MTCL1: variants seen among roughly 807,000 people sequenced by gnomAD.
MTCL1 encodes microtubule crosslinking factor 1.
Under a neutral mutation model 141.4 loss-of-function variants are expected in MTCL1, and 79 were observed. The ratio of observed to expected loss-of-function variants is 0.56; its 90% CI spans 0.47 to 0.67. MTCL1 has a LOEUF of 0.67. MTCL1 is among the 30% of genes least tolerant of loss of function. The pLI is 0.00. For missense variants in MTCL1, 2,177 were observed against 2,113.9 expected (o/e 1.03, Z -0.59); for synonymous variants, 914 against 875.8 (o/e 1.04, Z -0.77).
chr18:8,776,617 T>G (rs1254946327), intron 4 of MTCL1, among the ~76,000 whole-genome samples: 1 of 152,178 alleles, frequency 6.6e-6, no homozygotes, highest in East Asian at 1.9e-4. Context: ...TGAGTTGGAG[T>G]GGGTTTCCTG....
chr18:8,828,830 AC>A lies in MTCL1; in HGVS notation c.4723-76del. 6.2e-7 allele frequency: 1 copy of A among 1,608,490 alleles called. No individual in the cohort carries two copies. The highest frequency in any genetic ancestry group is 8.5e-7 in the Non-Finnish European group (1 of 1,178,110). On this transcript the variant is annotated intron_variant, in intron 15 of 16. Coordinates refer to ENST00000359865, the Ensembl canonical transcript of MTCL1. This position sits in a 1 kb window ranked among gnomAD's most constrained non-coding sequence, Gnocchi z 5.2. ...CTACCTCCGGGCTTGCTGACTTTAA[AC>A]CTTTATTGTTCTCCTGTTTAAAAAA...
upstream of MTCL1, among the ~76,000 whole-genome samples, chr18:8,715,139 G>GC (rs1460090705): frequency 1.3e-5 from 2 of 152,132 alleles, no homozygotes; most frequent in African/African-American, 4.8e-5. Context: ...GATTATTTGT[G>GC]CCAAAAAATA....
intron 13 of MTCL1, among the ~76,000 whole-genome samples, chr18:8,821,166 T>C (rs560425404): frequency 2.0e-5 from 3 of 152,196 alleles, no homozygotes; most frequent in Non-Finnish European, 4.4e-5. Context: ...AGTGAGGTCC[T>C]TTGAGGAAGC....
chr18:8,824,984 C>G, exon 15 of MTCL1: 1 of 1,613,428 alleles, frequency 6.2e-7, no homozygotes, highest in East Asian at 2.2e-5. Flanking sequence ...GGTACCTAAC[C>G]ACAAGTGTCA....
At chr18:8,783,253 C>T (rs1049188471) in intron 5 of MTCL1, among the ~76,000 whole-genome samples, 5 of 137,020 alleles carry the variant, frequency 3.6e-5, no homozygotes, top group African/African-American at 7.4e-5. Flanking sequence ...ATGGTTTCCA[C>T]GTGCACTTTT....
chr18:8,727,868 C>CTCTA (rs2096226378), intron 4 of MTCL1, among the ~76,000 whole-genome samples: 1 of 150,534 alleles, frequency 6.6e-6, no homozygotes, highest in Non-Finnish European at 1.5e-5. Flanking sequence ...CTCTCTCTCT[C>CTCTA]TCTCTCCCTG....
chr18:8,799,957 A>G (rs1268915505), intron 10 of MTCL1, among the ~76,000 whole-genome samples: 1 of 152,196 alleles, frequency 6.6e-6, no homozygotes, highest in African/African-American at 2.4e-5. Flanking sequence ...GTGAGCTTCC[A>G]CTGCGGGCCA....
At chr18:8,738,091 C>G (rs903539625) in intron 4 of MTCL1, among the ~76,000 whole-genome samples, 1 of 152,206 alleles carries the variant, frequency 6.6e-6, no homozygotes, top group African/African-American at 2.4e-5. Flanking sequence ...CCTGGTCTCA[C>G]ATTTCCAAAC....
chr18:8,825,048 C>T (rs145244362), exon 15 of MTCL1: 40 of 1,612,858 alleles, frequency 2.5e-5, no homozygotes, highest in South Asian at 4.4e-5. Flanking sequence ...GCAGCCACTG[C>T]GGAGCCACGT....
chr18:8,729,275 C>T (rs998427554), intron 4 of MTCL1, among the ~76,000 whole-genome samples: 1 of 151,148 alleles, frequency 6.6e-6, no homozygotes, highest in African/African-American at 2.4e-5. Flanking sequence ...AGTCTGGTCT[C>T]AAACTCCTGG....
intron 16 of MTCL1, chr18:8,829,330 C>T (rs1411826872): frequency 1.0e-6 from 1 of 985,360 alleles, no homozygotes; most frequent in East Asian, 1.1e-4. Context: ...GCCCAGCCAC[C>T]CAGGACTGGT....
intron 4 of MTCL1, among the ~76,000 whole-genome samples, chr18:8,772,588 ATAT>A (rs2096489205): frequency 1.3e-5 from 2 of 150,722 alleles, no homozygotes; most frequent in African/African-American, 4.9e-5. Flanking sequence ...TATATGTTAT[ATAT>A]TATTATGTTA....
In MTCL1 at chr18:8,768,171, G is replaced by A. The variant is rs139153390; in HGVS notation, c.358-9662G>A. Among the ~76,000 whole-genome samples, 744 of 152,282 alleles carry A rather than the reference G, an allele frequency of 4.9e-3. 6 individuals carry two copies. The highest frequency in any genetic ancestry group is 7.7e-3 in the Non-Finnish European group (525 of 68,016). Reference sequence around the variant, plus strand: ...GTTATCCCCACCATTCACACTGTATGTTAACATTGTACTATACTTGGTTTA... The same window carrying A: ...GTTATCCCCACCATTCACACTGTATATTAACATTGTACTATACTTGGTTTA... On this transcript the variant is annotated intron_variant, in intron 4 of 16. Transcript: ENST00000359865.
rs527591125 is a variant in MTCL1 at position 8,751,633 on chromosome 18, T to C, written c.358-26200T>C. Reference sequence around the variant, plus strand: ...AATAGTCAAGGAAATCCGAGGTGAATTTTCTCATTGGTCTGAGTCACCTGG... The same window carrying C: ...AATAGTCAAGGAAATCCGAGGTGAACTTTCTCATTGGTCTGAGTCACCTGG... On this transcript the variant is annotated intron_variant, in intron 4 of 16. Coordinates refer to ENST00000359865, the Ensembl canonical transcript of MTCL1. 1.4e-4 allele frequency among the ~76,000 whole-genome samples: 21 copies of C among 152,278 alleles called. No individual in the cohort carries two copies. The South Asian group carries it at 4.4e-3, about 32-fold the overall frequency.
Position 8,758,119 on chromosome 18 carries a change from G to A in MTCL1, c.358-19714G>A, listed in dbSNP as rs564750531. Among the ~76,000 whole-genome samples, 41 of 151,760 alleles carry A rather than the reference G, an allele frequency of 2.7e-4. 1 individual carries two copies. In the South Asian group the frequency reaches 5.5e-3, roughly 20 times the overall value. On this transcript the variant is annotated intron_variant, in intron 4 of 16. Coordinates refer to ENST00000359865, the Ensembl canonical transcript of MTCL1. ...GGCTCACAGCAACCTCCACCTCCCG[G>A]GTTCAAGCGATTCTCTTGTCTCAGC...
chr18:8,705,849 C>T lies in MTCL1; in HGVS notation c.189C>T (p.Val63=). 1.1e-5 allele frequency: 13 copies of T among 1,163,474 alleles called. No homozygotes were observed. Among genetic ancestry groups the T allele is most frequent in the Non-Finnish European group, 1.4e-5 (13 of 943,266 alleles). 72.1% of individuals were successfully genotyped at this position (1,163,474 alleles called of 1,614,324 possible). A position where few individuals can be genotyped will look rare whatever the true frequency, so the allele number is the denominator to read the frequency against. The stretch of plus-strand genomic sequence containing the variant: ...GGCCCGCCGCGCCCGGCCCGGCCGT[C>T]CCCTCCTCGGGCCGAGCCCCGGCTC... Residue 63 remains valine (V), a synonymous_variant, in exon 1 of 14, where the codon GTC becomes GTT. Transcript: ENST00000306329. This position sits in a 1 kb window ranked among gnomAD's most constrained non-coding sequence, Gnocchi z 5.2.
upstream of MTCL1, among the ~76,000 whole-genome samples, chr18:8,714,326 A>G (rs2096112849): frequency 6.6e-6 from 1 of 152,176 alleles, no homozygotes; most frequent in Admixed American, 6.5e-5. Flanking sequence ...AGGGTTAGTA[A>G]TGAGGGTGAG....
At chr18:8,764,995 G>A (rs1273169716) in intron 4 of MTCL1, among the ~76,000 whole-genome samples, 1 of 152,184 alleles carries the variant, frequency 6.6e-6, no homozygotes, top group East Asian at 1.9e-4. Flanking sequence ...CAAAATAGTG[G>A]CCTATGTAGG....
chr18:8,746,335 G>A (rs560173924), intron 4 of MTCL1, among the ~76,000 whole-genome samples: 52 of 152,260 alleles, frequency 3.4e-4, no homozygotes, highest in East Asian at 1.9e-4. Context: ...TGGCAGCACC[G>A]TTTTACACTG....
Sources: gnomAD v4.1 joint callset for allele counts (sites outside exome capture counted in the v4.1 genomes callset) on GRCh38, gnomAD v4.1.1 for gene constraint, Gnocchi (gnomAD v3.1) non-coding constraint, MANE v1.5 for transcripts, NCBI Gene and HGNC (gene_info 2026-07-23, HGNC 2026-07-21) for gene names.